The following STOM variants were observed in gnomAD, a reference collection of about 807,000 sequenced individuals.
The protein encoded by STOM is stomatin.
In STOM, 25 loss-of-function variants were observed where a neutral mutation model predicts 30.6. That is an observed-to-expected ratio of 0.82 (90% CI 0.60 to 1.14). The LOEUF is 1.14. STOM is among the 50% of genes most tolerant of loss of function. The pLI is 0.00. For synonymous variants in STOM, 118 were observed against 130.8 expected, an observed-to-expected ratio of 0.90 and a Z score of 0.67; for missense variants, 292 against 365.2, an observed-to-expected ratio of 0.80 and a Z score of 1.63.
At chr9:121,350,465 A>G (rs2064329647) in intron 4 of STOM, among the ~76,000 whole-genome samples, 1 of 152,204 alleles carries the variant, frequency 6.6e-6, no homozygotes, top group African/African-American at 2.4e-5. Context: ...TAACTCTAAC[A>G]CTGGCAGAGT....
chr9:121,355,041 C>T (rs557315530), intron 2 of STOM, among the ~76,000 whole-genome samples: 50 of 151,866 alleles, frequency 3.3e-4, no homozygotes, highest in South Asian at 3.1e-3. Context: ...GGGCAGATCA[C>T]GGAGGTTAGG....
In STOM at chr9:121,354,686, C is replaced by T. The variant is rs1163735179; in HGVS notation, c.166-13G>A. On this transcript the variant is annotated splice_polypyrimidine_tract_variant and intron_variant, in intron 2 of 6. Coordinates refer to ENST00000286713, the MANE Select transcript of STOM (RefSeq NM_004099.6). ...ACTCTTTTATAATCTAGAATAAAAA[C>T]ATGAATAATAATTTAACATGAAGAG... The T allele has an allele frequency of 9.5e-6, 15 of 1,573,184 alleles. No individual in the cohort carries two copies. Among genetic ancestry groups the T allele is most frequent in the Non-Finnish European group, 1.3e-5 (15 of 1,150,286 alleles).
chr9:121,349,118 A>G lies in STOM; in HGVS notation c.525+2T>C. 1.2e-6 allele frequency: 2 copies of G among 1,614,008 alleles called. No homozygotes were observed. The highest frequency in any genetic ancestry group is 1.1e-5 in the South Asian group (1 of 91,068). On this transcript the variant is annotated splice_donor_variant, in intron 5 of 6. Transcript: ENST00000286713. LOFTEE classifies it high-confidence loss of function. ...GGGTAACAGCATTGACGTACTCCCC[A>G]CCTGCATGTTGTGTGCAATTTCTTC...
At position 121,340,229 on chromosome 9, in the gene STOM, A is replaced by G; in HGVS notation, c.*973T>C. The G allele has an allele frequency of 1.0e-6, 1 of 985,466 alleles. No individual in the cohort carries two copies. Among genetic ancestry groups the G allele is most frequent in the Non-Finnish European group, 1.2e-6 (1 of 829,922 alleles). 61.0% of individuals were successfully genotyped at this position (985,466 alleles called of 1,614,324 possible). A position where few individuals can be genotyped will look rare whatever the true frequency, so the allele number is the denominator to read the frequency against. On this transcript the variant is annotated 3_prime_UTR_variant, in exon 7 of 7. Transcript: ENST00000286713. ...ATCATTTACTCATAAAGAAGGCTCAAATAAGTTAAAACATGGATGTATTTT... is the reference window on the plus strand; with the variant it reads ...ATCATTTACTCATAAAGAAGGCTCAGATAAGTTAAAACATGGATGTATTTT...
At chr9:121,355,531 A>T (rs557435964) in intron 2 of STOM, among the ~76,000 whole-genome samples, 2 of 152,356 alleles carry the variant, frequency 1.3e-5, no homozygotes, top group South Asian at 4.1e-4. Flanking sequence ...GAAATATGTA[A>T]ATAATAGTCA....
At chr9:121,353,896 C>T (rs959728416) in intron 3 of STOM, among the ~76,000 whole-genome samples, 6 of 152,230 alleles carry the variant, frequency 3.9e-5, no homozygotes, top group Non-Finnish European at 7.3e-5. Context: ...AGCCTTGACT[C>T]AGCCTACGAC....
chr9:121,339,556 A>G lies in STOM; in HGVS notation c.*1646T>C, dbSNP rs2064228068. 3 of 1,230,734 alleles carry G rather than the reference A, an allele frequency of 2.4e-6. No individual in the cohort carries two copies. Among genetic ancestry groups the G allele is most frequent in the Non-Finnish European group, 3.0e-6 (3 of 987,484 alleles). 76.2% of individuals were successfully genotyped at this position (1,230,734 alleles called of 1,614,324 possible). A position where few individuals can be genotyped will look rare whatever the true frequency, so the allele number is the denominator to read the frequency against. The stretch of plus-strand genomic sequence containing the variant: ...GCTGGATGGACAGAGTGGTTGAGCT[A>G]AAGAGAGCTATAAAGGCTCGTGCTG... On this transcript the variant is annotated 3_prime_UTR_variant, in exon 7 of 7. Coordinates refer to ENST00000286713, the MANE Select transcript of STOM (RefSeq NM_004099.6).
At chr9:121,358,021 G>C (rs987244573) in intron 1 of STOM, among the ~76,000 whole-genome samples, 3 of 151,964 alleles carry the variant, frequency 2.0e-5, no homozygotes, top group African/African-American at 7.2e-5. Flanking sequence ...ACGCTTTGCA[G>C]CTGGGTGCAG....
At position 121,370,212 on chromosome 9, in the gene STOM, C is replaced by T. The variant is rs1358230392; in HGVS notation, c.-25G>A. On this transcript the variant is annotated 5_prime_UTR_variant, in exon 1 of 7. Transcript: ENST00000286713. ...TGCTGCCCGAGACGCAGTCGCACTC[C>T]CCCGTCCTCGTTGCCAAACCCGGAG... The T allele has an allele frequency of 3.2e-6, 5 of 1,543,736 alleles. No homozygotes were observed. The highest frequency in any genetic ancestry group is 4.4e-6 in the Non-Finnish European group (5 of 1,144,044).
In STOM at chr9:121,349,334, A is replaced by C. The variant is rs1177000566; in HGVS notation, c.322-11T>G. ...ATCCTTTGTGAGGATCTACAAGATG[A>C]AGGAAGCAATTTTACATCTGTCAAC... On this transcript the variant is annotated splice_polypyrimidine_tract_variant and intron_variant, in intron 4 of 6. Coordinates refer to ENST00000286713, the MANE Select transcript of STOM (RefSeq NM_004099.6). The C allele has an allele frequency of 6.2e-7, 1 of 1,613,436 alleles. No homozygotes were observed. Among genetic ancestry groups the C allele is most frequent in the Admixed American group, 1.7e-5 (1 of 59,998 alleles).
chr9:121,370,050 C>G, intron 1 of STOM, 77 bp downstream of exon 1: 5 of 1,375,278 alleles, frequency 3.6e-6, no homozygotes, highest in Non-Finnish European at 5.0e-6. Flanking sequence ...GCCAGGAGCC[C>G]GGCTGTCAGA....
intron 6 of STOM, among the ~76,000 whole-genome samples, chr9:121,341,801 A>G (rs1014505150): frequency 6.6e-6 from 1 of 152,322 alleles, no homozygotes; most frequent in Admixed American, 6.5e-5. Flanking sequence ...CTGACAGGTC[A>G]TTATAAATAT....
chr9:121,357,292 G>A (rs914800264), intron 1 of STOM, among the ~76,000 whole-genome samples: 10 of 151,648 alleles, frequency 6.6e-5, no homozygotes, highest in South Asian at 2.1e-4. Context: ...CAGCTTTTCC[G>A]TCTGATTACA....
chr9:121,354,004 G>A (rs891116527), intron 3 of STOM, among the ~76,000 whole-genome samples: 3 of 152,176 alleles, frequency 2.0e-5, no homozygotes, highest in Non-Finnish European at 4.4e-5. Context: ...GTAGCTATCT[G>A]TTTCCTTGTT....
At chr9:121,368,138 G>A (rs1434311963) in intron 1 of STOM, among the ~76,000 whole-genome samples, 4 of 152,004 alleles carry the variant, frequency 2.6e-5, no homozygotes, top group Non-Finnish European at 5.9e-5. Flanking sequence ...AATTTGTTAG[G>A]TTTACATTAA....
chr9:121,357,144 G>A (rs556240791), intron 1 of STOM, among the ~76,000 whole-genome samples: 1 of 152,156 alleles, frequency 6.6e-6, no homozygotes, highest in Admixed American at 6.5e-5. Context: ...CTAGGTTTAT[G>A]CAGCATCATT....
At chr9:121,352,178 T>C (rs144195649) in intron 4 of STOM, among the ~76,000 whole-genome samples, 5 of 152,352 alleles carry the variant, frequency 3.3e-5, no homozygotes, top group Admixed American at 1.3e-4. Flanking sequence ...AATATTTGCA[T>C]ATAACTTATG....
At position 121,341,500 on chromosome 9, in the gene STOM, T is replaced by TC. The variant is rs911597557; in HGVS notation, c.661-93dup. The TC allele has an allele frequency of 2.0e-5, 30 of 1,536,720 alleles. No individual in the cohort carries two copies. In the African/African-American group the frequency reaches 3.7e-4, roughly 19 times the overall value. On this transcript the variant is annotated intron_variant, in intron 6 of 6. Transcript: ENST00000286713. ...CCGGGGGTATGTATACCTCAGGTGG[T>TC]CCACAAAACTTTCTAGGGCGTATGC... is the stretch of plus-strand genomic sequence containing the variant.
intron 1 of STOM, 146 bp downstream of exon 1, chr9:121,369,981 G>A (rs909870841): frequency 1.4e-6 from 1 of 738,156 alleles, no homozygotes; most frequent in Non-Finnish European, 2.2e-6. Context: ...GTGATGCTCA[G>A]TTTACTAGGG....
Sources: allele counts gnomAD v4.1 joint callset (sites outside exome capture counted in the v4.1 genomes callset), GRCh38; gene constraint gnomAD v4.1.1; transcripts MANE v1.5; gene names NCBI Gene and HGNC (gene_info 2026-07-23, HGNC 2026-07-21).